Variants in TMEM272 observed in about 807,000 individuals in gnomAD.
The protein encoded by TMEM272 is transmembrane protein 272.
In TMEM272, 8 loss-of-function variants were observed where a neutral mutation model predicts 3.7. That is an observed-to-expected ratio of 2.17 (90% CI 1.27 to 3.91). TMEM272 has a LOEUF of 3.91. Ranked by LOEUF, TMEM272 falls within the 30% of genes most tolerant of loss-of-function variation. TMEM272 has a pLI of 0.00. For missense variants in TMEM272, 166 were observed against 91.5 expected, an observed-to-expected ratio of 1.81 and a Z score of -3.32; for synonymous variants, 63 against 39.8, an observed-to-expected ratio of 1.58 and a Z score of -2.20.
In TMEM272 at chr13:51,816,784, G is replaced by C. The variant is rs1196359449; in HGVS notation, c.531C>G (p.Cys177Trp). The C allele has an allele frequency of 5.7e-6, 4 of 701,550 alleles. No individual in the cohort carries two copies. Among genetic ancestry groups the C allele is most frequent in the Admixed American group, 2.0e-5 (1 of 49,998 alleles). The allele number at this position is 701,550 out of a possible 1,614,324, so 43.5% of individuals were successfully genotyped here. ...LLLCSGCVYL[C>W]SRWRLAADED ...CATCGGCAGCAAGTCTCCACCTGGAGCACAGGTAGACACAGCCGCTGCACA... is the reference window on the plus strand; with the variant it reads ...CATCGGCAGCAAGTCTCCACCTGGACCACAGGTAGACACAGCCGCTGCACA... Residue 177 changes from cysteine (C) to tryptophan (W), a missense_variant, in exon 5 of 5, where the codon TGC (cysteine) becomes TGG (tryptophan). By Grantham distance (215) the Cys-to-Trp change is radical. Coordinates refer to ENST00000629372, the MANE Select transcript of TMEM272 (RefSeq NM_001351003.2).
At chr13:51,863,430 GTTA>G in the TMEM272 span, among the ~76,000 whole-genome samples, 1 of 152,196 alleles carries the variant, frequency 6.6e-6, no homozygotes, top group South Asian at 2.1e-4. Flanking sequence ...CAGCGAGACT[GTTA>G]CAGGCATCCT....
upstream of TMEM272, among the ~76,000 whole-genome samples, chr13:51,847,486 T>C (rs555530142): frequency 3.2e-4 from 49 of 152,300 alleles, no homozygotes; most frequent in African/African-American, 1.2e-3. Flanking sequence ...CCAAAAAGAT[T>C]GGGGACCACT....
chr13:51,875,164 C>A, the TMEM272 span, among the ~76,000 whole-genome samples: 1 of 152,190 alleles, frequency 6.6e-6, no homozygotes, highest in South Asian at 2.1e-4. Context: ...CTGTGCATCA[C>A]ATTATATCTC....
chr13:51,871,141 T>C, the TMEM272 span, among the ~76,000 whole-genome samples: 4 of 150,712 alleles, frequency 2.7e-5, no homozygotes, highest in African/African-American at 9.8e-5. Context: ...CCACACTGAG[T>C]AGGGCTGATC....
chr13:51,872,612 T>C, the TMEM272 span, among the ~76,000 whole-genome samples: 1 of 152,126 alleles, frequency 6.6e-6, no homozygotes, highest in Non-Finnish European at 1.5e-5. Flanking sequence ...CTATGGAATT[T>C]CAGAATACTG....
At chr13:51,851,203 G>A in the TMEM272 span, among the ~76,000 whole-genome samples, 15 of 152,074 alleles carry the variant, frequency 9.9e-5, no homozygotes, top group Non-Finnish European at 1.6e-4. Flanking sequence ...GTGTGGTGGC[G>A]TGCACTGATA....
chr13:51,902,797 T>A, the TMEM272 span, among the ~76,000 whole-genome samples: 4 of 152,270 alleles, frequency 2.6e-5, no homozygotes, highest in African/African-American at 9.6e-5. Context: ...ATATTCATTG[T>A]CCGTTTAAGG....
chr13:51,906,227 A>G, the TMEM272 span, among the ~76,000 whole-genome samples: 8 of 152,176 alleles, frequency 5.3e-5, no homozygotes, highest in African/African-American at 1.9e-4. Flanking sequence ...CATCTAATTC[A>G]AAGGGTGAAA....
chr13:51,906,544 C>T, the TMEM272 span, among the ~76,000 whole-genome samples: 1 of 152,338 alleles, frequency 6.6e-6, no homozygotes, highest in Non-Finnish European at 1.5e-5. Flanking sequence ...GGCCTAATTG[C>T]ATATGCTTTA....
At chr13:51,868,229 G>A in the TMEM272 span, among the ~76,000 whole-genome samples, 1 of 152,180 alleles carries the variant, frequency 6.6e-6, no homozygotes, top group Admixed American at 6.5e-5. Context: ...TTGCCTACGG[G>A]AAGCTTTCCG....
At chr13:51,857,443 T>C in the TMEM272 span, among the ~76,000 whole-genome samples, 3 of 152,098 alleles carry the variant, frequency 2.0e-5, no homozygotes, top group African/African-American at 7.2e-5. Context: ...TAGCAAAATC[T>C]TGAGGAGTCT....
chr13:51,850,755 C>G, the TMEM272 span, among the ~76,000 whole-genome samples: 2 of 152,022 alleles, frequency 1.3e-5, no homozygotes, highest in Non-Finnish European at 2.9e-5. Context: ...TGATTTTTAT[C>G]ATTGTATCCC....
chr13:51,843,992 G>A (rs1956282431), intron 1 of TMEM272, among the ~76,000 whole-genome samples: 2 of 152,194 alleles, frequency 1.3e-5, no homozygotes, highest in South Asian at 4.1e-4. Flanking sequence ...CATGGCTGGA[G>A]CAGGGCTGTC....
the TMEM272 span, among the ~76,000 whole-genome samples, chr13:51,874,024 T>A: frequency 2.6e-5 from 4 of 152,206 alleles, no homozygotes; most frequent in Non-Finnish European, 5.9e-5. Flanking sequence ...ATCACAGGCA[T>A]CCATGCCAGA....
chr13:51,865,545 A>T, the TMEM272 span: 3 of 1,614,132 alleles, frequency 1.9e-6, no homozygotes. Flanking sequence ...GAAGAGATGA[A>T]AATTTTTCGT....
At chr13:51,897,902 G>T in the TMEM272 span, among the ~76,000 whole-genome samples, 1 of 127,550 alleles carries the variant, frequency 7.8e-6, no homozygotes, top group African/African-American at 3.0e-5. Flanking sequence ...ACTACAGCCT[G>T]GGTGACAGGG....
chr13:51,827,719 C>T (rs943256785), intron 2 of TMEM272, among the ~76,000 whole-genome samples: 9 of 152,214 alleles, frequency 5.9e-5, no homozygotes, highest in South Asian at 2.1e-4. Context: ...TAATTATTTT[C>T]GGGTACCCCC....
At chr13:51,884,696 G>A in the TMEM272 span, among the ~76,000 whole-genome samples, 4 of 152,212 alleles carry the variant, frequency 2.6e-5, no homozygotes, top group East Asian at 1.9e-4. Context: ...TCTTCCCCTC[G>A]CTAGCTGTGA....
chr13:51,864,228 A>G, the TMEM272 span, among the ~76,000 whole-genome samples: 9 of 151,856 alleles, frequency 5.9e-5, no homozygotes, highest in Non-Finnish European at 1.3e-4. Flanking sequence ...CACTTAACAC[A>G]TTTTTATAAC....
Sources: allele counts gnomAD v4.1 joint callset (sites outside exome capture counted in the v4.1 genomes callset), GRCh38; gene constraint gnomAD v4.1.1; transcripts MANE v1.5; gene names NCBI Gene and HGNC (gene_info 2026-07-23, HGNC 2026-07-21).